Variants in SSR3 observed in about 807,000 individuals in gnomAD.
The protein encoded by SSR3 is translocon-associated protein subunit gamma.
SSR3 carries 10 observed loss-of-function variants against 22.1 expected under a neutral mutation model. The ratio of observed to expected loss-of-function variants is 0.45; its 90% CI spans 0.28 to 0.77. The LOEUF (loss-of-function observed/expected upper bound fraction) is 0.77, where lower values mean the gene tolerates loss of function less well. SSR3 is among the 30% of genes least tolerant of loss of function. The pLI is 0.13. For missense variants in SSR3, 181 were observed against 220.5 expected (o/e 0.82, Z 1.13); for synonymous variants, 104 against 82.5 (o/e 1.26, Z -1.42).
chr3:156,554,986 T>C lies in SSR3; in HGVS notation c.104A>G (p.Asn35Ser), dbSNP rs1720098524. The C allele has an allele frequency of 6.2e-7, 1 of 1,613,992 alleles. No individual in the cohort carries two copies. Among genetic ancestry groups the C allele is most frequent in the Non-Finnish European group, 8.5e-7 (1 of 1,179,944 alleles). ...SAKSSALFFG[N>S]AFIVSAIPIW... Reference sequence around the variant, plus strand: ...GGGGATGGCAGACACGATGAACGCGTTTCCGAAGAAGAGCGCGGAGGACTT... The same window carrying C: ...GGGGATGGCAGACACGATGAACGCGCTTCCGAAGAAGAGCGCGGAGGACTT... The change falls in exon 1 of 5, where the codon AAC (asparagine) becomes AGC (serine). Residue 35 changes from asparagine (N) to serine (S), a missense_variant. Transcript: ENST00000265044.
intron 2 of SSR3, among the ~76,000 whole-genome samples, chr3:156,549,742 G>A (rs1004557753): frequency 1.3e-5 from 2 of 151,926 alleles, no homozygotes; most frequent in Non-Finnish European, 2.9e-5. Context: ...TTTTTAAAAG[G>A]TTTACAAAGT....
Position 156,542,999 on chromosome 3 carries a change from C to A in SSR3, c.*204G>T. 2.1e-6 allele frequency: 1 copy of A among 484,084 alleles called. No individual in the cohort carries two copies. The highest frequency in any genetic ancestry group is 4.9e-5 in the South Asian group (1 of 20,578). 30.0% of individuals were successfully genotyped at this position (484,084 alleles called of 1,614,324 possible). A position where few individuals can be genotyped will look rare whatever the true frequency, so the allele number is the denominator to read the frequency against. On this transcript the variant is annotated 3_prime_UTR_variant, in exon 5 of 5. Coordinates refer to ENST00000265044, the MANE Select transcript of SSR3 (RefSeq NM_007107.5). ...TCCTTTTAATAAACGTCCTAGTACT[C>A]TGAGTTTCCCTTTCAATTCATTTAA... is the stretch of plus-strand genomic sequence containing the variant.
At chr3:156,547,929 T>C (rs1559944402) in intron 3 of SSR3, among the ~76,000 whole-genome samples, 1 of 152,222 alleles carries the variant, frequency 6.6e-6, no homozygotes, top group East Asian at 1.9e-4. Flanking sequence ...AGGTACTTGC[T>C]CATCCACCTT....
intron 2 of SSR3, among the ~76,000 whole-genome samples, chr3:156,551,957 T>A (rs1719974215): frequency 6.6e-6 from 1 of 152,130 alleles, no homozygotes; most frequent in South Asian, 2.1e-4. Flanking sequence ...AGGAAGCAGA[T>A]GACTTGCATT....
chr3:156,554,468 T>G (rs972612601), intron 1 of SSR3, among the ~76,000 whole-genome samples: 3 of 152,192 alleles, frequency 2.0e-5, no homozygotes, highest in African/African-American at 7.2e-5. Flanking sequence ...TCTCTCTTTT[T>G]GCAAAAACCA....
In SSR3 at chr3:156,555,114, G is replaced by C. The variant is rs371566548; in HGVS notation, c.-25C>G. 21 of 1,610,142 alleles carry C rather than the reference G, an allele frequency of 1.3e-5. No individual in the cohort carries two copies. Among genetic ancestry groups the C allele is most frequent in the Admixed American group, 1.2e-4 (7 of 59,970 alleles). On this transcript the variant is annotated 5_prime_UTR_variant, in exon 1 of 5. Coordinates refer to ENST00000265044, the MANE Select transcript of SSR3 (RefSeq NM_007107.5). ...TGGCGGAGCTGCAGGCGAGAACAGG[G>C]AACGTAGAGCCGGCCGCCAAGGCGG...
In SSR3 at chr3:156,539,860, C is replaced by A. The variant is rs1267428120; in HGVS notation, c.*3343G>T. Among the ~76,000 whole-genome samples, 2 of 152,162 alleles carry A rather than the reference C, an allele frequency of 1.3e-5. No homozygotes were observed. Among genetic ancestry groups the A allele is most frequent in the East Asian group, 3.8e-4 (2 of 5,196 alleles). ...CACAGCAGGTACATACTGGCAGAGG[C>A]CTGATGTCTGCCCTTTACTGTAACT... On this transcript the variant is annotated 3_prime_UTR_variant, in exon 5 of 5. Coordinates refer to ENST00000265044, the MANE Select transcript of SSR3 (RefSeq NM_007107.5).
At position 156,543,104 on chromosome 3, in the gene SSR3, T is replaced by TA; in HGVS notation, c.*98dup. ...TGGGTTTTTTAAAGGCTCTAGACTA[T>TA]AAAAACATCTTGTGTCTCCCACCCT... On this transcript the variant is annotated 3_prime_UTR_variant, in exon 5 of 5. Transcript: ENST00000265044. 9.8e-7 allele frequency: 1 copy of TA among 1,016,966 alleles called. No individual in the cohort carries two copies. Among genetic ancestry groups the TA allele is most frequent in the South Asian group, 1.5e-5 (1 of 66,612 alleles). 63.0% of individuals were successfully genotyped at this position (1,016,966 alleles called of 1,614,324 possible). A position where few individuals can be genotyped will look rare whatever the true frequency, so the allele number is the denominator to read the frequency against.
Position 156,548,996 on chromosome 3 carries a change from G to T in SSR3, c.268C>A (p.Gln90Lys). 6.2e-7 allele frequency: 1 copy of T among 1,608,874 alleles called. No homozygotes were observed. The highest frequency in any genetic ancestry group is 8.5e-7 in the Non-Finnish European group (1 of 1,178,938). Reference sequence around the variant, plus strand: ...TTGGAAACAGCATCCTCCCTCTTCTGTGCTACTCTGGAAGAAAAAGAAAAA... The same window carrying T: ...TTGGAAACAGCATCCTCCCTCTTCTTTGCTACTCTGGAAGAAAAAGAAAAA... ...VKFVLKHKVA[Q>K]KREDAVSKEV... Residue 90 changes from glutamine to lysine, a missense_variant, in exon 3 of 5, where the codon CAG becomes AAG. Transcript: ENST00000265044.
At chr3:156,550,074 G>C (rs1026042655) in intron 2 of SSR3, among the ~76,000 whole-genome samples, 6 of 152,110 alleles carry the variant, frequency 3.9e-5, no homozygotes, top group African/African-American at 1.4e-4. Context: ...TAGCAGACCA[G>C]GCACTAAATA....
In SSR3 at chr3:156,554,996, A is replaced by C. The variant is rs1236886234; in HGVS notation, c.94T>G (p.Phe32Val). 1.2e-6 allele frequency: 2 copies of C among 1,613,960 alleles called. No individual in the cohort carries two copies. Among genetic ancestry groups the C allele is most frequent in the Non-Finnish European group, 1.7e-6 (2 of 1,179,956 alleles). ...RNLSAKSSAL[F>V]FGNAFIVSAI... The stretch of plus-strand genomic sequence containing the variant: ...GACACGATGAACGCGTTTCCGAAGA[A>C]GAGCGCGGAGGACTTGGCCGAGAGA... Residue 32 changes from phenylalanine (F) to valine (V), a missense_variant, in exon 1 of 5, where the codon TTC becomes GTC. Coordinates refer to ENST00000265044, the MANE Select transcript of SSR3 (RefSeq NM_007107.5).
chr3:156,545,620 T>C lies in SSR3; in HGVS notation c.360-1181A>G, dbSNP rs111953437. ...GCTAAATGAAGGCTAATTAACATCT[T>C]ATGCTCATCTTAAGAAATCTGTAGT... On this transcript the variant is annotated intron_variant, in intron 3 of 4. Transcript: ENST00000265044. Among the ~76,000 whole-genome samples, 87 of 152,326 alleles carry C rather than the reference T, an allele frequency of 5.7e-4. 1 individual carries two copies. The highest frequency in any genetic ancestry group is 1.8e-3 in the African/African-American group (73 of 41,574).
Position 156,541,730 on chromosome 3 carries a change from T to A in SSR3, c.*1473A>T, listed in dbSNP as rs889952238. On this transcript the variant is annotated 3_prime_UTR_variant, in exon 5 of 5. Transcript: ENST00000265044. Reference sequence around the variant, plus strand: ...CTAGTCACTCCACATTATCCAGTGATGGCACCTAGATAATAATGCACCAAA... The same window carrying A: ...CTAGTCACTCCACATTATCCAGTGAAGGCACCTAGATAATAATGCACCAAA... 1.3e-5 allele frequency: 2 copies of A among 152,190 alleles called. No homozygotes were observed. Among genetic ancestry groups the A allele is most frequent in the African/African-American group, 4.8e-5 (2 of 41,446 alleles). 9.4% of individuals were successfully genotyped at this position (152,190 alleles called of 1,614,324 possible).
At position 156,540,064 on chromosome 3, in the gene SSR3, A is replaced by G. The variant is rs1265596846; in HGVS notation, c.*3139T>C. The stretch of plus-strand genomic sequence containing the variant: ...AAAATAAAACAATTTGAAAAAAAAG[A>G]TGGTTAATGTAAAATAATATAATAA... On this transcript the variant is annotated 3_prime_UTR_variant, in exon 5 of 5. Transcript: ENST00000265044. 2.0e-5 allele frequency: 3 copies of G among 152,210 alleles called. No individual in the cohort carries two copies. The highest frequency in any genetic ancestry group is 6.5e-5 in the Admixed American group (1 of 15,286). 9.4% of individuals were successfully genotyped at this position (152,210 alleles called of 1,614,324 possible).
rs114038059 is a variant in SSR3, at chr3:156,545,611, T to C, written c.360-1172A>G. ...CGGAAAGGAGCTAAATGAAGGCTAATTAACATCTTATGCTCATCTTAAGAA... is the reference window on the plus strand; with the variant it reads ...CGGAAAGGAGCTAAATGAAGGCTAACTAACATCTTATGCTCATCTTAAGAA... On this transcript the variant is annotated intron_variant, in intron 3 of 4. Coordinates refer to ENST00000265044, the MANE Select transcript of SSR3 (RefSeq NM_007107.5). 8.6e-4 allele frequency among the ~76,000 whole-genome samples: 131 copies of C among 152,296 alleles called. 1 individual carries two copies. Among genetic ancestry groups the C allele is most frequent in the Non-Finnish European group, 7.9e-4 (54 of 68,008 alleles).
At chr3:156,548,264 T>C (rs1046266217) in intron 3 of SSR3, among the ~76,000 whole-genome samples, 1 of 152,012 alleles carries the variant, frequency 6.6e-6, no homozygotes, top group East Asian at 1.9e-4. Flanking sequence ...GCAGAAAAAA[T>C]TGGGACTAGG....
rs909325050 is a variant in SSR3 at position 156,539,983 on chromosome 3, A to C, written c.*3220T>G. On this transcript the variant is annotated 3_prime_UTR_variant, in exon 5 of 5. Coordinates refer to ENST00000265044, the MANE Select transcript of SSR3 (RefSeq NM_007107.5). The stretch of plus-strand genomic sequence containing the variant: ...ATTAAAATGATGGTTACATGTATAC[A>C]TATGTACCAAACCTGCATGGTCAGC... 8.5e-5 allele frequency among the ~76,000 whole-genome samples: 13 copies of C among 152,246 alleles called. No individual in the cohort carries two copies. The highest frequency in any genetic ancestry group is 2.6e-4 in the Admixed American group (4 of 15,292).
At chr3:156,548,637 G>A (rs1002696989) in intron 3 of SSR3, among the ~76,000 whole-genome samples, 2 of 152,150 alleles carry the variant, frequency 1.3e-5, no homozygotes, top group African/African-American at 2.4e-5. Context: ...TACCTTTGTT[G>A]CCTCAGGTAT....
Position 156,548,991 on chromosome 3 carries a change from C to T in SSR3, c.273G>A (p.Lys91=). 6.2e-7 allele frequency: 1 copy of T among 1,612,498 alleles called. No homozygotes were observed. Among genetic ancestry groups the T allele is most frequent in the Non-Finnish European group, 8.5e-7 (1 of 1,179,752 alleles). ...CTTCTTTGGAAACAGCATCCTCCCTCTTCTGTGCTACTCTGGAAGAAAAAG... is the reference window on the plus strand; with the variant it reads ...CTTCTTTGGAAACAGCATCCTCCCTTTTCTGTGCTACTCTGGAAGAAAAAG... ...KFVLKHKVAQ[K]REDAVSKEVT... The change falls in exon 3 of 5, where the codon AAG becomes AAA. Residue 91 remains lysine (K), a synonymous_variant. Coordinates refer to ENST00000265044, the MANE Select transcript of SSR3 (RefSeq NM_007107.5).
Sources: allele counts gnomAD v4.1 joint callset (sites outside exome capture counted in the v4.1 genomes callset), GRCh38; gene constraint gnomAD v4.1.1; transcripts MANE v1.5; gene names NCBI Gene and HGNC (gene_info 2026-07-23, HGNC 2026-07-21).